Variants in JPH2 observed in about 807,000 individuals in gnomAD.
JPH2 encodes the protein junctophilin 2, also known as junctophilin-2.
In JPH2, 38 loss-of-function variants were observed where a neutral mutation model predicts 55.9. The observed-to-expected ratio is 0.68, with a 90% confidence interval of 0.52 to 0.89. The LOEUF is 0.89. Among genes scored for constraint, JPH2 ranks in the 40% least tolerant of loss-of-function variants. The probability of loss-of-function intolerance (pLI) is 0.00; values close to 1 mark genes in which losing one functional copy is unlikely to be tolerated. For synonymous variants in JPH2, 480 were observed against 472.4 expected (o/e 1.02, Z -0.21); for missense variants, 964 against 1,037.6 (o/e 0.93, Z 0.97).
chr20:44,107,913 G>A lies in JPH2; in HGVS notation c.*5605C>T, dbSNP rs964511164. Among the ~76,000 whole-genome samples, 2 of 152,172 alleles carry A rather than the reference G, an allele frequency of 1.3e-5. No individual in the cohort carries two copies. Among genetic ancestry groups the A allele is most frequent in the Non-Finnish European group, 2.9e-5 (2 of 68,020 alleles). On this transcript the variant is annotated 3_prime_UTR_variant, in exon 6 of 6. Coordinates refer to ENST00000372980, the MANE Select transcript of JPH2 (RefSeq NM_020433.5). ...TAACAGGAGTGTCTTTGTTATTCATGGTGGGCTCCTGGGACCACAACTCAC... is the reference window on the plus strand; with the variant it reads ...TAACAGGAGTGTCTTTGTTATTCATAGTGGGCTCCTGGGACCACAACTCAC...
Position 44,160,439 on chromosome 20 carries a change from G to T in JPH2, c.380-32C>A, listed in dbSNP as rs373715686. 5.0e-6 allele frequency: 8 copies of T among 1,599,898 alleles called. 1 individual carries two copies. In the Middle Eastern group the frequency reaches 7.6e-4, roughly 152 times the overall value. Reference sequence around the variant, plus strand: ...GCGAGGAGAGGGCGCGTCAGTAGGCGGCACGACGGGTCCCCGCGTGTGCAC... The same window carrying T: ...GCGAGGAGAGGGCGCGTCAGTAGGCTGCACGACGGGTCCCCGCGTGTGCAC... On this transcript the variant is annotated intron_variant, in intron 1 of 5. Transcript: ENST00000372980. The surrounding 1 kb of genome is among the most constrained non-coding windows in gnomAD (Gnocchi z 4.9).
At chr20:44,178,490 C>T (rs531551901) in intron 1 of JPH2, among the ~76,000 whole-genome samples, 4 of 152,338 alleles carry the variant, frequency 2.6e-5, no homozygotes, top group African/African-American at 9.6e-5. Context: ...GGAAGCCTCA[C>T]TGCTAATAAG....
At chr20:44,130,745 G>A (rs986449550) in intron 2 of JPH2, among the ~76,000 whole-genome samples, 7 of 152,216 alleles carry the variant, frequency 4.6e-5, no homozygotes, top group African/African-American at 4.8e-5. Flanking sequence ...ACAGTGCGCT[G>A]ACGTCACTTT....
intron 2 of JPH2, among the ~76,000 whole-genome samples, chr20:44,132,127 G>A (rs577999553): frequency 6.6e-6 from 1 of 152,234 alleles, no homozygotes; most frequent in East Asian, 1.9e-4. Flanking sequence ...GGAGTATTAT[G>A]TAGCCAATCC....
At chr20:44,114,609 T>TGCGCGC (rs1555853088) in intron 5 of JPH2, among the ~76,000 whole-genome samples, 173 bp downstream of exon 5, 3 of 144,070 alleles carry the variant, frequency 2.1e-5, no homozygotes, top group African/African-American at 7.7e-5. Flanking sequence ...TGTGTGTGTG[T>TGCGCGC]GCGCTGGTAT....
chr20:44,159,341 T>C lies in JPH2; in HGVS notation c.1169+277A>G, dbSNP rs1465586939. Among the ~76,000 whole-genome samples, 1 of 151,318 alleles carries C rather than the reference T, an allele frequency of 6.6e-6. No homozygotes were observed. The highest frequency in any genetic ancestry group is 6.6e-5 in the Admixed American group (1 of 15,168). On this transcript the variant is annotated intron_variant, in intron 2 of 5. Coordinates refer to ENST00000372980, the MANE Select transcript of JPH2 (RefSeq NM_020433.5). This position sits in a 1 kb window ranked among gnomAD's most constrained non-coding sequence, Gnocchi z 5.7. ...AAGTGGAATGGGTAGGGGAATGGAG[T>C]GGATGACTGGAGAGATGGCTGTTCA...
rs1450730322 is a variant in JPH2, at chr20:44,108,339, G to T, written c.*5179C>A. ...TAATCAATGTGACTTGAGTAGAATA[G>T]CTTTCAGTGAGTTCTGTGAGTCTTT... On this transcript the variant is annotated 3_prime_UTR_variant, in exon 6 of 6. Coordinates refer to ENST00000372980, the MANE Select transcript of JPH2 (RefSeq NM_020433.5). 6.6e-6 allele frequency among the ~76,000 whole-genome samples: 1 copy of T among 152,098 alleles called. No individual in the cohort carries two copies. The highest frequency in any genetic ancestry group is 1.9e-4 in the East Asian group (1 of 5,180).
chr20:44,132,347 GACAGACAGACACACACACACAC>G (rs1439977380), intron 2 of JPH2, among the ~76,000 whole-genome samples: 12 of 88,822 alleles, frequency 1.4e-4, no homozygotes, highest in East Asian at 6.8e-4. Context: ...AAGGGAGGCA[GACAGACAGACACACACACACAC>G]ACACACACAC....
chr20:44,114,316 C>G (rs2072169362), intron 5 of JPH2, among the ~76,000 whole-genome samples: 1 of 152,200 alleles, frequency 6.6e-6, no homozygotes, highest in South Asian at 2.1e-4. Flanking sequence ...GAGTGTCCCA[C>G]CGTCCCAGGT....
chr20:44,128,306 CCT>C (rs1411667482), intron 2 of JPH2, among the ~76,000 whole-genome samples: 1 of 149,984 alleles, frequency 6.7e-6, no homozygotes, highest in Non-Finnish European at 1.5e-5. Flanking sequence ...CTCATCCCAC[CCT>C]CTGAGGTAGG....
intron 1 of JPH2, among the ~76,000 whole-genome samples, chr20:44,172,031 T>A (rs1474316239): frequency 6.6e-6 from 1 of 152,206 alleles, no homozygotes; most frequent in Non-Finnish European, 1.5e-5. Context: ...CTGTCTCCTC[T>A]CAGTAAAGTG....
At chr20:44,179,953 C>T (rs1006309090) in intron 1 of JPH2, among the ~76,000 whole-genome samples, 2 of 152,198 alleles carry the variant, frequency 1.3e-5, no homozygotes, top group African/African-American at 4.8e-5. Context: ...GGTGCAGTGG[C>T]TCACCCCTGT....
At chr20:44,170,852 T>G (rs1233831192) in intron 1 of JPH2, among the ~76,000 whole-genome samples, 1 of 152,240 alleles carries the variant, frequency 6.6e-6, no homozygotes, top group African/African-American at 2.4e-5. Context: ...ATTTCGATGT[T>G]ACAATTGGAA....
chr20:44,115,342 C>T (rs969284991), intron 4 of JPH2, among the ~76,000 whole-genome samples: 1 of 152,122 alleles, frequency 6.6e-6, no homozygotes, highest in Non-Finnish European at 1.5e-5. Flanking sequence ...CCCAGCCCAA[C>T]CCCCCTGACT....
At chr20:44,129,873 T>C (rs1445307214) in intron 2 of JPH2, among the ~76,000 whole-genome samples, 3 of 152,090 alleles carry the variant, frequency 2.0e-5, no homozygotes, top group Non-Finnish European at 4.4e-5. Flanking sequence ...GTGATGTGTT[T>C]TGAAGACAGA....
chr20:44,182,739 C>A lies in JPH2; in HGVS notation c.379+3588G>T, dbSNP rs573349306. Among the ~76,000 whole-genome samples the A allele has an allele frequency of 2.8e-4, 43 of 152,272 alleles. No individual in the cohort carries two copies. The South Asian group carries it at 8.9e-3, about 32-fold the overall frequency. ...TTAGTTTTTTCCATAACACTTGTAA[C>A]TTTTGGAGATTACATGTATGTTTGT... On this transcript the variant is annotated intron_variant, in intron 1 of 5. Transcript: ENST00000372980.
At chr20:44,115,449 G>C (rs532245997) in intron 4 of JPH2, among the ~76,000 whole-genome samples, 2 of 152,276 alleles carry the variant, frequency 1.3e-5, no homozygotes, top group South Asian at 4.1e-4. Context: ...AAAGGTAGGA[G>C]GACTCCATGC....
rs1158752121 is a variant in JPH2 at position 44,164,074 on chromosome 20, CCCAAAG to C, written c.380-3673_380-3668del. Among the ~76,000 whole-genome samples the C allele has an allele frequency of 1.7e-3, 265 of 152,292 alleles. 6 individuals carry two copies. In the East Asian group the frequency reaches 0.028, roughly 16 times the overall value. On this transcript the variant is annotated intron_variant, in intron 1 of 5. Transcript: ENST00000372980. Reference sequence around the variant, plus strand: ...ATGTTCAGAGAAGTTATGTGACTTGCCCAAAGTCACACAGTGAGAAAGGAGCAGAAC... The same window carrying C: ...ATGTTCAGAGAAGTTATGTGACTTGCTCACACAGTGAGAAAGGAGCAGAAC...
intron 2 of JPH2, among the ~76,000 whole-genome samples, chr20:44,139,880 T>G (rs1193487974): frequency 1.3e-5 from 2 of 150,062 alleles, no homozygotes; most frequent in Non-Finnish European, 3.0e-5. Context: ...GAATGTATGA[T>G]TTTTTTTTTA....
Sources: gnomAD v4.1 joint callset for allele counts (sites outside exome capture counted in the v4.1 genomes callset) on GRCh38, gnomAD v4.1.1 for gene constraint, Gnocchi (gnomAD v3.1) non-coding constraint, MANE v1.5 for transcripts, NCBI Gene and HGNC (gene_info 2026-07-23, HGNC 2026-07-21) for gene names.